LAMC3: variants seen among roughly 807,000 people sequenced by gnomAD.
The protein encoded by LAMC3 is laminin subunit gamma 3.
A neutral mutation model predicts 173.8 loss-of-function variants in LAMC3; 128 were observed. The observed-to-expected ratio is 0.74, with a 90% CI of 0.64 to 0.85. The LOEUF is 0.85. Ranked by LOEUF, LAMC3 falls within the 40% of genes least tolerant of loss-of-function variation. The pLI is 0.00. For missense variants in LAMC3, 2,022 were observed against 2,156.0 expected, an observed-to-expected ratio of 0.94 and a Z score of 1.23; for synonymous variants, 897 against 909.1, an observed-to-expected ratio of 0.99 and a Z score of 0.24.
At position 131,072,701 on chromosome 9, in the gene LAMC3, C is replaced by T; in HGVS notation, c.3283C>T (p.Gln1095Ter). 1 of 1,612,286 alleles carries T rather than the reference C, an allele frequency of 6.2e-7. No homozygotes were observed. The highest frequency in any genetic ancestry group is 1.7e-5 in the Admixed American group (1 of 59,942). The change falls in exon 19 of 28, where the codon CAG (glutamine) becomes TAG (stop). Residue 1095 changes from glutamine (Q) to a stop codon, truncating the protein, a stop_gained. Transcript: ENST00000361069. LOFTEE classifies it high-confidence loss of function. ...GAVKAAREQLQRLNKGARCAQ... is the reference protein window; with the variant it reads ...GAVKAAREQL ...TGTCAAGGCCGCCCGGGAGCAGCTG[C>T]AGAGGCTGAACAAGGGTGCCCGCTG...
intron 1 of LAMC3, among the ~76,000 whole-genome samples, chr9:131,024,535 C>A (rs1833685368): frequency 6.6e-6 from 1 of 152,078 alleles, no homozygotes; most frequent in African/African-American, 2.4e-5. Context: ...TGGCAGTGGG[C>A]AGTCTCTTGG....
intron 1 of LAMC3, among the ~76,000 whole-genome samples, chr9:131,010,013 G>T (rs1289867962): frequency 2.6e-5 from 4 of 152,076 alleles, no homozygotes; most frequent in African/African-American, 9.6e-5. Flanking sequence ...ATTTGGCCGG[G>T]CGTGGTGGTA....
At position 131,082,080 on chromosome 9, in the gene LAMC3, G is replaced by A. The variant is rs139578296; in HGVS notation, c.3949G>A (p.Ala1317Thr). The A allele has an allele frequency of 3.2e-5, 52 of 1,613,758 alleles. 1 individual carries two copies. The highest frequency in any genetic ancestry group is 2.4e-4 in the African/African-American group (18 of 75,050). Residue 1317 changes from alanine (A) to threonine (T), a missense_variant, in exon 24 of 28, where the codon GCC becomes ACC. By Grantham distance (58) the Ala-to-Thr change is moderately conservative. Coordinates refer to ENST00000361069, the MANE Select transcript of LAMC3 (RefSeq NM_006059.4). ...CCAGCTGCACCAGGAGGCCAGAGCCGCCCTGACCCAGGCTTCCTCATCTGT... is the reference window on the plus strand; with the variant it reads ...CCAGCTGCACCAGGAGGCCAGAGCCACCCTGACCCAGGCTTCCTCATCTGT... ...LTKLHQEARA[A>T]LTQASSSVQA...
chr9:131,047,257 C>A (rs780846547), intron 8 of LAMC3, among the ~76,000 whole-genome samples: 8 of 41,070 alleles, frequency 1.9e-4, no homozygotes, highest in Non-Finnish European at 3.8e-4. Flanking sequence ...CTCCGCCTCC[C>A]AGGTTCAAGT....
rs761510825 is a variant in LAMC3, at chr9:131,091,726, A to G, written c.4667A>G (p.Asp1556Gly). Residue 1556 changes from aspartate (D) to glycine (G), a missense_variant, in exon 28 of 28, where the codon GAC (aspartate) becomes GGC (glycine). By Grantham distance (94) the Asp-to-Gly change is moderately conservative (BLOSUM62 -1). Coordinates refer to ENST00000361069, the MANE Select transcript of LAMC3 (RefSeq NM_006059.4). ...AGTGACCTCGCCGAGATCCGCGCCG[A>G]CAAACAGAACCTGGAGGCCATTCTG... ...FESDLAEIRADKQNLEAILHS... is the reference protein window; with the variant it reads ...FESDLAEIRAGKQNLEAILHS... 6.2e-7 allele frequency: 1 copy of G among 1,613,274 alleles called. No individual in the cohort carries two copies. Among genetic ancestry groups the G allele is most frequent in the Non-Finnish European group, 8.5e-7 (1 of 1,179,932 alleles).
At position 131,036,173 on chromosome 9, in the gene LAMC3, T is replaced by C; in HGVS notation, c.817T>C (p.Cys273Arg). 6.2e-7 allele frequency: 1 copy of C among 1,613,174 alleles called. No homozygotes were observed. The highest frequency in any genetic ancestry group is 1.1e-5 in the South Asian group (1 of 91,072). ...CTCTGTGTCTTTTCCCAGGTGCAAGTGCAACGGGCATGCCAGCGAGTGCGG... is the reference window on the plus strand; with the variant it reads ...CTCTGTGTCTTTTCCCAGGTGCAAGCGCAACGGGCATGCCAGCGAGTGCGG... The part of the protein sequence containing the change: ...SDFSVGGRCK[C>R]NGHASECGPD... Residue 273 changes from cysteine (C) to arginine (R), a missense_variant, in exon 4 of 28, where the codon TGC (cysteine) becomes CGC (arginine). Coordinates refer to ENST00000361069, the MANE Select transcript of LAMC3 (RefSeq NM_006059.4).
At chr9:131,045,761 G>A in intron 8 of LAMC3, 101 bp downstream of exon 8, 1 of 1,449,950 alleles carries the variant, frequency 6.9e-7, no homozygotes, top group Admixed American at 1.7e-5. Flanking sequence ...CTCCCATTGT[G>A]GAGAGGAGCC....
intron 27 of LAMC3, among the ~76,000 whole-genome samples, chr9:131,090,365 CA>C (rs1564158944): frequency 6.6e-6 from 1 of 152,216 alleles, no homozygotes; most frequent in African/African-American, 2.4e-5. Flanking sequence ...GAGCCCTAGG[CA>C]GCCTGGGCAG....
Position 131,045,670 on chromosome 9 carries a change from G to A in LAMC3, c.1519+10G>A, listed in dbSNP as rs753712401. On this transcript the variant is annotated intron_variant, in intron 8 of 27. Coordinates refer to ENST00000361069, the MANE Select transcript of LAMC3 (RefSeq NM_006059.4). ...AGCGATTTCCACCAGGGTAAGAGAT[G>A]CTCCCTGCAAACGCCTCCCAAGGGT... is the stretch of plus-strand genomic sequence containing the variant. 4 of 1,613,944 alleles carry A rather than the reference G, an allele frequency of 2.5e-6. No individual in the cohort carries two copies. The highest frequency in any genetic ancestry group is 3.4e-6 in the Non-Finnish European group (4 of 1,180,014).
At chr9:131,043,111 T>C (rs4237121) in intron 7 of LAMC3, among the ~76,000 whole-genome samples, 30,362 of 152,196 alleles carry the variant, frequency 0.2, 3,707 homozygotes, top group Admixed American at 0.27. Context: ...AGGAAGCCCC[T>C]ACCCACTGAG....
At chr9:131,073,567 T>C (rs1309239539) in intron 20 of LAMC3, among the ~76,000 whole-genome samples, 1 of 152,008 alleles carries the variant, frequency 6.6e-6, no homozygotes, top group Non-Finnish European at 1.5e-5. Context: ...TTTGTGAGAG[T>C]TGTGTAATAT....
chr9:131,042,061 G>A (rs1834066459), intron 7 of LAMC3, among the ~76,000 whole-genome samples: 2 of 152,176 alleles, frequency 1.3e-5, no homozygotes, highest in South Asian at 4.1e-4. Context: ...AATAGATGGT[G>A]CTCGTACTAC....
In LAMC3 at chr9:131,052,612, G is replaced by A; in HGVS notation, c.1752G>A (p.Leu584=). ...QLRLEGTGLA[L]SLRHSSLSGP... ...GGCTGGAAGGGACAGGCTTGGCCCTGTCCCTGAGGCACTCTAGCCTGTCTG... is the reference window on the plus strand; with the variant it reads ...GGCTGGAAGGGACAGGCTTGGCCCTATCCCTGAGGCACTCTAGCCTGTCTG... The change falls in exon 10 of 28, where the codon CTG becomes CTA. Residue 584 remains leucine (L), a synonymous_variant. Coordinates refer to ENST00000361069, the MANE Select transcript of LAMC3 (RefSeq NM_006059.4). 1 of 1,614,020 alleles carries A rather than the reference G, an allele frequency of 6.2e-7. No individual in the cohort carries two copies. Among genetic ancestry groups the A allele is most frequent in the Non-Finnish European group, 8.5e-7 (1 of 1,179,984 alleles).
chr9:131,012,959 G>A (rs894040002), intron 1 of LAMC3, among the ~76,000 whole-genome samples: 1 of 152,236 alleles, frequency 6.6e-6, no homozygotes, highest in African/African-American at 2.4e-5. Flanking sequence ...AGGCAGCAGT[G>A]GGCTCTGGCA....
chr9:131,028,273 C>T (rs991777286), intron 2 of LAMC3, among the ~76,000 whole-genome samples: 3 of 152,162 alleles, frequency 2.0e-5, no homozygotes, highest in East Asian at 1.9e-4. Flanking sequence ...GTGGAAAAAT[C>T]GTCTTCCACG....
At chr9:131,084,736 A>T (rs910850285) in intron 24 of LAMC3, among the ~76,000 whole-genome samples, 2 of 146,784 alleles carry the variant, frequency 1.4e-5, no homozygotes, top group African/African-American at 4.9e-5. Flanking sequence ...ATCTCTACTA[A>T]AAAAAAAAAA....
intron 18 of LAMC3, 94 bp downstream of exon 18, chr9:131,071,719 A>G: frequency 7.5e-7 from 1 of 1,340,046 alleles, no homozygotes; most frequent in Non-Finnish European, 9.9e-7. Context: ...GGGCCCTCCC[A>G]AAACAGCCCT....
Position 131,036,168 on chromosome 9 carries a change from G to T in LAMC3, c.812G>T (p.Cys271Phe). 1 of 1,613,300 alleles carries T rather than the reference G, an allele frequency of 6.2e-7. No individual in the cohort carries two copies. Among genetic ancestry groups the T allele is most frequent in the East Asian group, 2.2e-5 (1 of 44,870 alleles). ...TCCTCCTCTGTGTCTTTTCCCAGGT[G>T]CAAGTGCAACGGGCATGCCAGCGAG... is the stretch of plus-strand genomic sequence containing the variant. ...AVSDFSVGGR[C>F]KCNGHASECG... The change falls in exon 4 of 28, where the codon TGC (cysteine) becomes TTC (phenylalanine). Residue 271 changes from cysteine to phenylalanine, a missense_variant and splice_region_variant. Coordinates refer to ENST00000361069, the MANE Select transcript of LAMC3 (RefSeq NM_006059.4).
In LAMC3 at chr9:131,069,713, C is replaced by G. The variant is rs749734506; in HGVS notation, c.2932C>G (p.His978Asp). 6.2e-7 allele frequency: 1 copy of G among 1,604,360 alleles called. No individual in the cohort carries two copies. Among genetic ancestry groups the G allele is most frequent in the Non-Finnish European group, 8.5e-7 (1 of 1,176,620 alleles). The change falls in exon 17 of 28, where the codon CAC (histidine) becomes GAC (aspartate). Residue 978 changes from histidine to aspartate, a missense_variant. His to Asp is a moderately conservative substitution (Grantham distance 81, BLOSUM62 -1). Coordinates refer to ENST00000361069, the MANE Select transcript of LAMC3 (RefSeq NM_006059.4). Reference sequence around the variant, plus strand: ...ACTGGGCGCTGCCTCGGCCCAGTGCCACGAGAACGGCACATGCGTGTGCAG... The same window carrying G: ...ACTGGGCGCTGCCTCGGCCCAGTGCGACGAGAACGGCACATGCGTGTGCAG... The part of the protein sequence containing the change: ...SPLGAASAQC[H>D]ENGTCVCRPG...
Sources: allele counts gnomAD v4.1 joint callset (sites outside exome capture counted in the v4.1 genomes callset), GRCh38; gene constraint gnomAD v4.1.1; transcripts MANE v1.5; gene names NCBI Gene and HGNC (gene_info 2026-07-23, HGNC 2026-07-21).